Variants in EXOC6B observed in about 807,000 individuals in gnomAD.
EXOC6B encodes the protein exocyst complex component 6B.
In EXOC6B, 54 loss-of-function variants were observed where a neutral mutation model predicts 113.5. The observed-to-expected ratio is 0.48, with a 90% confidence interval of 0.38 to 0.60. The LOEUF (loss-of-function observed/expected upper bound fraction) is 0.60, where lower values mean the gene tolerates loss of function less well. Ranked by LOEUF, EXOC6B falls within the 20% of genes least tolerant of loss-of-function variation. The pLI, the probability that EXOC6B is intolerant of heterozygous loss-of-function variation, is 0.00. For synonymous variants in EXOC6B, 357 were observed against 339.0 expected (o/e 1.05, Z -0.58); for missense variants, 797 against 977.5 (o/e 0.82, Z 2.46).
At chr2:72,481,239 T>C (rs1388731970) in intron 16 of EXOC6B, among the ~76,000 whole-genome samples, 1 of 152,204 alleles carries the variant, frequency 6.6e-6, no homozygotes, top group East Asian at 1.9e-4. Context: ...TAAACCTCTT[T>C]CCTTTATAAA....
In EXOC6B at chr2:72,441,300, C is replaced by T. The variant is rs1052548694; in HGVS notation, c.1980+23860G>A. Among the ~76,000 whole-genome samples the T allele has an allele frequency of 3.9e-5, 6 of 152,010 alleles. No individual in the cohort carries two copies. The East Asian group carries it at 1.2e-3, about 29-fold the overall frequency. Reference sequence around the variant, plus strand: ...ACCCATATCAAAAAGTTACAAAGATCTCAATTTAAAAATCTAACATCACAA... The same window carrying T: ...ACCCATATCAAAAAGTTACAAAGATTTCAATTTAAAAATCTAACATCACAA... On this transcript the variant is annotated intron_variant, in intron 18 of 21. Transcript: ENST00000272427.
chr2:72,225,546 G>C (rs546973129), intron 20 of EXOC6B, among the ~76,000 whole-genome samples: 1 of 152,312 alleles, frequency 6.6e-6, no homozygotes, highest in South Asian at 2.1e-4. Context: ...CCTACGTGGA[G>C]ACTGTGAGAC....
intron 20 of EXOC6B, among the ~76,000 whole-genome samples, chr2:72,194,810 G>A (rs1679069576): frequency 6.6e-6 from 1 of 152,048 alleles, no homozygotes. Context: ...TCTGATCTCT[G>A]TAGATTAAGG....
chr2:72,209,594 A>G (rs1208933653), intron 20 of EXOC6B, among the ~76,000 whole-genome samples: 1 of 152,220 alleles, frequency 6.6e-6, no homozygotes, highest in Non-Finnish European at 1.5e-5. Flanking sequence ...CTCCTCTGCT[A>G]ATAGGAAGTG....
intron 20 of EXOC6B, among the ~76,000 whole-genome samples, chr2:72,332,975 C>G (rs1688494386): frequency 6.6e-6 from 1 of 152,008 alleles, no homozygotes; most frequent in East Asian, 1.9e-4. Context: ...TAATAATGAG[C>G]TACAGACCAA....
At chr2:72,307,945 G>C (rs567870841) in intron 20 of EXOC6B, among the ~76,000 whole-genome samples, 1 of 152,250 alleles carries the variant, frequency 6.6e-6, no homozygotes, top group African/African-American at 2.4e-5. Context: ...AATACTCTTT[G>C]TTTGTAATAT....
At chr2:72,803,382 T>A (rs1685405715) in intron 1 of EXOC6B, among the ~76,000 whole-genome samples, 1 of 151,438 alleles carries the variant, frequency 6.6e-6, no homozygotes, top group Admixed American at 6.6e-5. Context: ...AATAACCAAA[T>A]CTCTGGCAAA....
At chr2:72,620,303 C>A (rs1247747801) in intron 6 of EXOC6B, among the ~76,000 whole-genome samples, 1 of 152,070 alleles carries the variant, frequency 6.6e-6, no homozygotes, top group Non-Finnish European at 1.5e-5. Context: ...TGGTGGGGGG[C>A]AGGGAAGAGC....
At chr2:72,682,045 C>T (rs1427637092) in intron 6 of EXOC6B, among the ~76,000 whole-genome samples, 2 of 148,108 alleles carry the variant, frequency 1.4e-5, no homozygotes, top group Admixed American at 6.7e-5. Context: ...CTCTCTCTCT[C>T]AGAAGGCTTT....
chr2:72,466,407 T>C (rs1180738038), intron 17 of EXOC6B, among the ~76,000 whole-genome samples: 1 of 151,192 alleles, frequency 6.6e-6, no homozygotes, highest in Non-Finnish European at 1.5e-5. Context: ...AGACTCATCA[T>C]ATTTACCACT....
chr2:72,320,248 T>C lies in EXOC6B; in HGVS notation c.2196+14699A>G, dbSNP rs142934812. Reference sequence around the variant, plus strand: ...ATACAGTTTTACATATTTGTTCATATATATTTACACATATATGGCTTAGAA... The same window carrying C: ...ATACAGTTTTACATATTTGTTCATACATATTTACACATATATGGCTTAGAA... On this transcript the variant is annotated intron_variant, in intron 20 of 21. Coordinates refer to ENST00000272427, the MANE Select transcript of EXOC6B (RefSeq NM_015189.3). 7.6e-3 allele frequency among the ~76,000 whole-genome samples: 1,144 copies of C among 150,692 alleles called. 17 individuals carry two copies. The highest frequency in any genetic ancestry group is 0.027 in the African/African-American group (1,103 of 41,302).
chr2:72,654,717 G>A (rs1005480046), intron 6 of EXOC6B, among the ~76,000 whole-genome samples: 1 of 152,130 alleles, frequency 6.6e-6, no homozygotes, highest in Admixed American at 6.5e-5. Context: ...CAAAAATACA[G>A]TGCCCAACAG....
chr2:72,641,112 T>A (rs557116867), intron 6 of EXOC6B, among the ~76,000 whole-genome samples: 1 of 152,218 alleles, frequency 6.6e-6, no homozygotes, highest in Non-Finnish European at 1.5e-5. Context: ...GATGGCCGAA[T>A]AGGAGCAGCT....
chr2:72,632,816 G>A (rs1672562517), intron 6 of EXOC6B, among the ~76,000 whole-genome samples: 1 of 151,904 alleles, frequency 6.6e-6, no homozygotes, highest in African/African-American at 2.4e-5. Context: ...CAAATAGCTG[G>A]GACTACAGGT....
chr2:72,817,872 T>G lies in EXOC6B; in HGVS notation c.113+7926A>C, dbSNP rs148500857. On this transcript the variant is annotated intron_variant, in intron 1 of 21. Coordinates refer to ENST00000272427, the MANE Select transcript of EXOC6B (RefSeq NM_015189.3). ...CATATTGCATGCCATAACCATCTCT[T>G]GCCTCTTATTACTGCAAACATCCCC... is the stretch of plus-strand genomic sequence containing the variant. Among the ~76,000 whole-genome samples, 126 of 152,308 alleles carry G rather than the reference T, an allele frequency of 8.3e-4. No homozygotes were observed. The South Asian group carries it at 0.016, about 19-fold the overall frequency.
At chr2:72,539,989 T>C (rs1702509329) in intron 8 of EXOC6B, among the ~76,000 whole-genome samples, 1 of 126,490 alleles carries the variant, frequency 7.9e-6, no homozygotes, top group Admixed American at 9.9e-5. Flanking sequence ...GATGTTCCCC[T>C]TCCTGTGTCC....
chr2:72,550,713 T>C (rs920583019), intron 8 of EXOC6B, among the ~76,000 whole-genome samples: 1 of 152,170 alleles, frequency 6.6e-6, no homozygotes, highest in Admixed American at 6.5e-5. Flanking sequence ...CCTTAGTTTC[T>C]ACATAGCTTA....
intron 6 of EXOC6B, among the ~76,000 whole-genome samples, chr2:72,605,032 GCCTGTAA>G (rs1218074811): frequency 4.6e-5 from 7 of 152,036 alleles, no homozygotes; most frequent in Non-Finnish European, 8.8e-5. Context: ...AGTGGCTCAC[GCCTGTAA>G]TCCCAGCACT....
At position 72,781,168 on chromosome 2, in the gene EXOC6B, G is replaced by A. The variant is rs535507077; in HGVS notation, c.114-39699C>T. Among the ~76,000 whole-genome samples, 6 of 152,254 alleles carry A rather than the reference G, an allele frequency of 3.9e-5. 1 individual carries two copies. Among genetic ancestry groups the A allele is most frequent in the Admixed American group, 1.3e-4 (2 of 15,292 alleles). ...CTAAATTTCTGAGCTCAACAGTCTA[G>A]TACTTTCCCAATCTTACCCTAACAT... On this transcript the variant is annotated intron_variant, in intron 1 of 21. Transcript: ENST00000272427.
Sources: allele counts gnomAD v4.1 joint callset (sites outside exome capture counted in the v4.1 genomes callset), GRCh38; gene constraint gnomAD v4.1.1; transcripts MANE v1.5; gene names NCBI Gene and HGNC (gene_info 2026-07-23, HGNC 2026-07-21).